The following HDAC9 variants were observed in gnomAD, a reference collection of about 807,000 sequenced individuals.
The protein encoded by HDAC9 is histone deacetylase 9.
HDAC9 carries 41 observed loss-of-function variants against 139.4 expected under a neutral mutation model. The observed-to-expected ratio is 0.29, with a 90% CI of 0.23 to 0.38. HDAC9 has a LOEUF of 0.38. HDAC9 is among the 10% of genes least tolerant of loss of function. The pLI, the probability that HDAC9 is intolerant of heterozygous loss-of-function variation, is 1.00. For missense variants in HDAC9, 1,147 were observed against 1,297.0 expected, an observed-to-expected ratio of 0.88 and a Z score of 1.78; for synonymous variants, 517 against 476.2, an observed-to-expected ratio of 1.09 and a Z score of -1.12.
At chr7:18,936,883 T>C (rs567501349) in intron 23 of HDAC9, among the ~76,000 whole-genome samples, 2 of 152,254 alleles carry the variant, frequency 1.3e-5, no homozygotes, top group African/African-American at 4.8e-5. Flanking sequence ...AACACATAGT[T>C]ACTATTGTCA....
chr7:18,923,183 G>C (rs572666055), intron 22 of HDAC9, among the ~76,000 whole-genome samples: 1 of 152,140 alleles, frequency 6.6e-6, no homozygotes, highest in Non-Finnish European at 1.5e-5. Context: ...CTTTAATAAA[G>C]TGCTACTTTT....
At chr7:18,156,932 A>T (rs555978453) in intron 1 of HDAC9, among the ~76,000 whole-genome samples, 1 of 152,238 alleles carries the variant, frequency 6.6e-6, no homozygotes, top group East Asian at 1.9e-4. Context: ...TAAAAAAAGT[A>T]AAAATGTTAG....
At chr7:18,229,077 A>G (rs1318583930) in intron 2 of HDAC9, among the ~76,000 whole-genome samples, 1 of 152,208 alleles carries the variant, frequency 6.6e-6, no homozygotes, top group Non-Finnish European at 1.5e-5. Flanking sequence ...GAAGGGGCCT[A>G]TGCAAGGAAA....
rs573943150 is a variant in HDAC9, at chr7:18,091,880, ATTC to A, written c.-97+4670_-97+4672del. Among the ~76,000 whole-genome samples, 46 of 152,286 alleles carry A rather than the reference ATTC, an allele frequency of 3.0e-4. 1 individual carries two copies. The highest frequency in any genetic ancestry group is 2.7e-3 in the Admixed American group (42 of 15,302). On this transcript the variant is annotated intron_variant, in intron 1 of 12. Coordinates refer to the HDAC9 transcript ENST00000417496. ...CCCTTAACTCTTAGAGGCTGCTGTT[ATTC>A]TTTGCCATGTGGCCCTCTCATAGGT... is the stretch of plus-strand genomic sequence containing the variant.
At chr7:18,213,966 A>T (rs1792121208) in intron 2 of HDAC9, among the ~76,000 whole-genome samples, 1 of 151,972 alleles carries the variant, frequency 6.6e-6, no homozygotes, top group South Asian at 2.1e-4. Context: ...TCCCCAGTTT[A>T]AGAGGAGAGG....
chr7:18,736,118 C>T (rs533371784), intron 13 of HDAC9, among the ~76,000 whole-genome samples: 255 of 152,296 alleles, frequency 1.7e-3, no homozygotes, highest in African/African-American at 5.8e-3. Flanking sequence ...TGCTTATCAG[C>T]TTAAGGAGAT....
chr7:18,400,239 G>T (rs1380966023), intron 1 of HDAC9, among the ~76,000 whole-genome samples: 2 of 152,164 alleles, frequency 1.3e-5, no homozygotes, highest in Non-Finnish European at 2.9e-5. Context: ...CCCTTATTTA[G>T]TTTAGTTTAA....
intron 24 of HDAC9, chr7:18,954,447 T>C: frequency 2.2e-6 from 1 of 449,442 alleles, no homozygotes; most frequent in East Asian, 4.0e-5. Flanking sequence ...GTTTTTCTCA[T>C]GTATTTCAGG....
chr7:18,290,134 TCTC>T (rs963996747), upstream of HDAC9: 189 of 185,384 alleles, frequency 1.0e-3, no homozygotes, highest in East Asian at 2.6e-3. Context: ...TCTCTTTCCT[TCTC>T]CTCCTCCTCC....
chr7:18,699,280 T>C (rs1350518217), intron 12 of HDAC9, among the ~76,000 whole-genome samples: 1 of 152,090 alleles, frequency 6.6e-6, no homozygotes, highest in East Asian at 1.9e-4. Context: ...CTTTGGGTAA[T>C]AGGTAACGTT....
intron 1 of HDAC9, among the ~76,000 whole-genome samples, chr7:18,093,269 G>A (rs184636228): frequency 1.3e-5 from 2 of 152,318 alleles, no homozygotes; most frequent in African/African-American, 4.8e-5. Context: ...TTCAGCTAGG[G>A]GTGGCATTAG....
Position 18,591,525 on chromosome 7 carries a change from C to T in HDAC9, c.425C>T (p.Ala142Val). The T allele has an allele frequency of 6.3e-7, 1 of 1,580,816 alleles. No individual in the cohort carries two copies. Among genetic ancestry groups the T allele is most frequent in the Non-Finnish European group, 8.6e-7 (1 of 1,164,048 alleles). The change falls in exon 5 of 26, where the codon GCA becomes GTA. Residue 142 changes from alanine (A) to valine (V), a missense_variant. Ala to Val is a moderately conservative substitution (Grantham distance 64, BLOSUM62 0). Around this residue, in one of 7 missense-constraint regions of HDAC9, gnomAD observed 136 missense variants for 183.5 expected, o/e 0.74. Coordinates refer to ENST00000686413, the MANE Select transcript of HDAC9 (RefSeq NM_178425.4). ...TGTGTGTGTATTTCAGGGGCAGTGG[C>T]AAGTACAGAAGTAAAGCAGAAGCTT... ...GKDRGRERAV[A>V]STEVKQKLQE...
intron 12 of HDAC9, among the ~76,000 whole-genome samples, chr7:18,724,590 T>C (rs762682493): frequency 6.6e-6 from 1 of 152,144 alleles, no homozygotes; most frequent in African/African-American, 2.4e-5. Flanking sequence ...ACTGTACACT[T>C]AGGCTACACT....
At chr7:18,974,424 G>A (rs916006371) in intron 24 of HDAC9, among the ~76,000 whole-genome samples, 69 of 152,054 alleles carry the variant, frequency 4.5e-4, no homozygotes, top group African/African-American at 1.5e-3. Flanking sequence ...TAACTAACAG[G>A]GCTGTCTCAA....
rs1480010327 is a variant in HDAC9, at chr7:18,559,925, C to G, written c.23-25356C>G. ...ACACTAAATGTGAGTCAAATTGACC[C>G]AAATCCTAAAGTCTTCCTATATTTG... On this transcript the variant is annotated intron_variant, in intron 2 of 25. Transcript: ENST00000686413. Among the ~76,000 whole-genome samples the G allele has an allele frequency of 2.6e-5, 4 of 152,062 alleles. No individual in the cohort carries two copies. The South Asian group carries it at 8.3e-4, about 32-fold the overall frequency.
At chr7:18,406,219 T>C (rs1404008402) in intron 1 of HDAC9, among the ~76,000 whole-genome samples, 1 of 152,170 alleles carries the variant, frequency 6.6e-6, no homozygotes, top group Non-Finnish European at 1.5e-5. Flanking sequence ...TAATTGTAAG[T>C]AGAGTTAACA....
intron 1 of HDAC9, among the ~76,000 whole-genome samples, chr7:18,471,934 A>G (rs945091412): frequency 1.3e-5 from 2 of 152,102 alleles, no homozygotes; most frequent in Non-Finnish European, 2.9e-5. Flanking sequence ...GCAAATAACT[A>G]TTTGTGCTCT....
intron 1 of HDAC9, among the ~76,000 whole-genome samples, chr7:18,322,938 G>A (rs1414768390): frequency 6.6e-6 from 1 of 152,092 alleles, no homozygotes; most frequent in African/African-American, 2.4e-5. Flanking sequence ...GGAAGAAAAG[G>A]TGCCTGGTTT....
chr7:18,345,758 A>C (rs1388929099), intron 1 of HDAC9, among the ~76,000 whole-genome samples: 8 of 151,754 alleles, frequency 5.3e-5, no homozygotes, highest in African/African-American at 1.9e-4. Context: ...TGGGTGACTG[A>C]TTCTCTTTTC....
Sources: gnomAD v4.1 joint callset for allele counts (sites outside exome capture counted in the v4.1 genomes callset) on GRCh38, gnomAD v4.1.1 for gene constraint, gnomAD v4.1.1 regional missense constraint, MANE v1.5 for transcripts, NCBI Gene and HGNC (gene_info 2026-07-23, HGNC 2026-07-21) for gene names.